Variants in RAB38 observed in about 807,000 individuals in gnomAD.
RAB38 encodes the protein ras-related protein Rab-38.
A neutral mutation model predicts 18.4 loss-of-function variants in RAB38; 15 were observed. The ratio of observed to expected loss-of-function variants is 0.82; its 90% CI spans 0.55 to 1.26. RAB38 has a LOEUF of 1.26. RAB38 is among the 50% of genes most tolerant of loss of function. The pLI, the probability that RAB38 is intolerant of heterozygous loss-of-function variation, is 0.00. For missense variants in RAB38, 294 were observed against 267.4 expected (o/e 1.10, Z -0.69); for synonymous variants, 101 against 104.4 (o/e 0.97, Z 0.20).
chr11:87,965,375 C>T, the RAB38 span, among the ~76,000 whole-genome samples: 1 of 152,036 alleles, frequency 6.6e-6, no homozygotes, highest in Non-Finnish European at 1.5e-5. Flanking sequence ...CTGGAGATTG[C>T]CTTTCATAAA....
At chr11:87,967,914 G>A in the RAB38 span, among the ~76,000 whole-genome samples, 1 of 152,120 alleles carries the variant, frequency 6.6e-6, no homozygotes, top group East Asian at 1.9e-4. Context: ...GAGGTGTTGG[G>A]TGTGTATGGG....
the RAB38 span, among the ~76,000 whole-genome samples, chr11:87,867,937 G>A: frequency 2.6e-5 from 4 of 151,642 alleles, no homozygotes; most frequent in African/African-American, 9.7e-5. Context: ...GTGACACTAT[G>A]TATTGTCTCA....
chr11:88,023,727 C>G, the RAB38 span, among the ~76,000 whole-genome samples: 4 of 152,126 alleles, frequency 2.6e-5, no homozygotes, highest in African/African-American at 9.6e-5. Context: ...ATAGAGAACC[C>G]AGAAACAAAT....
chr11:87,887,536 A>G, the RAB38 span, among the ~76,000 whole-genome samples: 1 of 151,990 alleles, frequency 6.6e-6, no homozygotes, highest in South Asian at 2.1e-4. Context: ...AGTAGTATGA[A>G]TTAGGGCAAA....
chr11:87,805,711 GTATACACACACATA>G, the RAB38 span, among the ~76,000 whole-genome samples: 9,798 of 151,206 alleles, frequency 0.065, 342 homozygotes, highest in African/African-American at 0.086. Context: ...ACATATATGT[GTATACACACACATA>G]TATACACACA....
At chr11:88,098,855 A>G in the RAB38 span, 1 of 151,956 alleles carries the variant, frequency 6.6e-6, no homozygotes, top group African/African-American at 2.4e-5. Context: ...AGAAAAACCA[A>G]ACAAACCCTA....
the RAB38 span, among the ~76,000 whole-genome samples, chr11:87,814,766 C>T: frequency 9.3e-5 from 14 of 151,016 alleles, no homozygotes; most frequent in Middle Eastern, 0.01. Flanking sequence ...CAGAGTCTCG[C>T]TCTTTCACTG....
chr11:88,127,047 T>C (rs550634865), intron 2 of RAB38, among the ~76,000 whole-genome samples: 1 of 152,342 alleles, frequency 6.6e-6, no homozygotes, highest in Non-Finnish European at 1.5e-5. Context: ...TGAAGTTTCA[T>C]AGGATGATAT....
chr11:88,017,391 A>G, the RAB38 span, among the ~76,000 whole-genome samples: 42 of 150,914 alleles, frequency 2.8e-4, no homozygotes, highest in East Asian at 6.6e-3. Context: ...AAACGCAAAG[A>G]GAGAGAGAGA....
the RAB38 span, among the ~76,000 whole-genome samples, chr11:87,960,119 G>C: frequency 6.6e-6 from 1 of 152,066 alleles, no homozygotes; most frequent in African/African-American, 2.4e-5. Context: ...TCCATTTTCA[G>C]GGCTTTTAAA....
chr11:88,043,335 A>G, the RAB38 span, among the ~76,000 whole-genome samples: 114,557 of 151,962 alleles, frequency 0.75, 43,455 homozygotes, highest in African/African-American at 0.82. Flanking sequence ...TGGAGAGAAA[A>G]GAAATAAGGG....
At chr11:88,061,458 A>T in the RAB38 span, among the ~76,000 whole-genome samples, 15 of 152,248 alleles carry the variant, frequency 9.9e-5, no homozygotes, top group Non-Finnish European at 1.5e-5. Context: ...TAGAGCCATT[A>T]GACTGTTTAC....
At chr11:88,069,260 T>C in the RAB38 span, among the ~76,000 whole-genome samples, 1 of 152,292 alleles carries the variant, frequency 6.6e-6, no homozygotes. Flanking sequence ...GTGCTCGAAT[T>C]CTTGCTGGGC....
the RAB38 span, among the ~76,000 whole-genome samples, chr11:87,976,813 TA>T: frequency 1.2e-5 from 1 of 80,142 alleles, no homozygotes; most frequent in African/African-American, 5.5e-5. Context: ...ATATATTATA[TA>T]TTATACAATG....
the RAB38 span, among the ~76,000 whole-genome samples, chr11:87,937,711 C>T: frequency 5.3e-5 from 8 of 151,744 alleles, no homozygotes; most frequent in Admixed American, 1.3e-4. Flanking sequence ...CTGTTAAGCC[C>T]GTCTACTGAG....
the RAB38 span, among the ~76,000 whole-genome samples, chr11:88,085,668 T>A: frequency 3.3e-5 from 5 of 151,958 alleles, no homozygotes; most frequent in Non-Finnish European, 5.9e-5. Context: ...CTAAATTCCC[T>A]GATCACTTGT....
chr11:87,806,891 G>C, the RAB38 span, among the ~76,000 whole-genome samples: 19 of 152,264 alleles, frequency 1.2e-4, no homozygotes, highest in African/African-American at 4.6e-4. Context: ...CATTTTCCCT[G>C]ATGGCTGGCT....
chr11:88,166,433 G>C (rs1471368600), intron 1 of RAB38: 2 of 152,030 alleles, frequency 1.3e-5, no homozygotes, highest in Non-Finnish European at 2.9e-5. Context: ...AATAAGCCAG[G>C]TAATCTTGTG....
chr11:87,943,488 C>T, the RAB38 span, among the ~76,000 whole-genome samples: 2 of 151,984 alleles, frequency 1.3e-5, no homozygotes, highest in Non-Finnish European at 2.9e-5. Flanking sequence ...CTGCAAGATG[C>T]CGTGGTTTTG....
Sources: gnomAD v4.1 joint callset for allele counts (sites outside exome capture counted in the v4.1 genomes callset) on GRCh38, gnomAD v4.1.1 for gene constraint, MANE v1.5 for transcripts, NCBI Gene and HGNC (gene_info 2026-07-23, HGNC 2026-07-21) for gene names.